Variants in GRIP2 observed in about 807,000 individuals in gnomAD.
GRIP2 encodes glutamate receptor interacting protein 2, also known as glutamate receptor-interacting protein 2.
GRIP2 carries 58 observed loss-of-function variants against 108.3 expected under a neutral mutation model. The observed-to-expected ratio is 0.54, with a 90% confidence interval of 0.43 to 0.67. GRIP2 has a LOEUF of 0.67. Among genes scored for constraint, GRIP2 ranks in the 30% least tolerant of loss-of-function variants. The pLI, the probability that GRIP2 is intolerant of heterozygous loss-of-function variation, is 0.00. For synonymous variants in GRIP2, 586 were observed against 598.2 expected (o/e 0.98, Z 0.30); for missense variants, 1,278 against 1,430.6 (o/e 0.89, Z 1.72).
At chr3:14,545,076 G>T (rs1422785551), upstream of GRIP2, among the ~76,000 whole-genome samples, 2 of 152,220 alleles carry the variant, frequency 1.3e-5, no homozygotes, top group African/African-American at 2.4e-5. Flanking sequence ...GGCCAAGGAG[G>T]CTCCGACAGC....
upstream of GRIP2, among the ~76,000 whole-genome samples, chr3:14,557,458 C>A (rs4449299): frequency 0.23 from 34,338 of 152,188 alleles, 4,170 homozygotes; most frequent in South Asian, 0.33. Context: ...GGAGGCACTA[C>A]TGGCAGAAGG....
intron 21 of GRIP2, among the ~76,000 whole-genome samples, chr3:14,500,186 G>C (rs1366317285): frequency 6.6e-6 from 1 of 152,182 alleles, no homozygotes; most frequent in Non-Finnish European, 1.5e-5. Flanking sequence ...TAGTGAATTG[G>C]AAGACAGGTT....
At chr3:14,559,101 T>C (rs941340458), upstream of GRIP2, among the ~76,000 whole-genome samples, 3 of 152,220 alleles carry the variant, frequency 2.0e-5, no homozygotes, top group Non-Finnish European at 4.4e-5. Flanking sequence ...CACCACCTTC[T>C]AGCTGTGCAA....
chr3:14,573,592 T>C, the GRIP2 span: 2 of 1,448,284 alleles, frequency 1.4e-6, no homozygotes, highest in Admixed American at 3.4e-5. Flanking sequence ...CGGGAGGTGA[T>C]CTCACACTCG....
chr3:14,520,848 A>G, intron 7 of GRIP2: 2 of 385,780 alleles, frequency 5.2e-6, no homozygotes, highest in Non-Finnish European at 9.6e-6. Context: ...ACTAAACTGT[A>G]AAGTTCACTA....
chr3:14,509,814 G>T lies in GRIP2; in HGVS notation c.2078+6C>A. The T allele has an allele frequency of 6.8e-7, 1 of 1,480,700 alleles. No homozygotes were observed. 91.7% of individuals were successfully genotyped at this position (1,480,700 alleles called of 1,614,324 possible). ...CACCATGCGTCCCCACAGAGCCCCA[G>T]TTCACCTCTCAGCCAGGCCACGCTT... On this transcript the variant is annotated splice_donor_region_variant and intron_variant, in intron 17 of 23. Coordinates refer to ENST00000621039, the MANE Select transcript of GRIP2 (RefSeq NM_001080423.4).
chr3:14,580,664 T>C, the GRIP2 span, among the ~76,000 whole-genome samples: 1 of 152,192 alleles, frequency 6.6e-6, no homozygotes, highest in Admixed American at 6.5e-5. Context: ...CTGTACTTCA[T>C]GCACTCCAGC....
At chr3:14,580,166 G>T in the GRIP2 span, among the ~76,000 whole-genome samples, 1 of 152,190 alleles carries the variant, frequency 6.6e-6, no homozygotes, top group Admixed American at 6.5e-5. Flanking sequence ...ACCCAGAGCA[G>T]GTGCTAAGCC....
chr3:14,579,356 C>T, the GRIP2 span, among the ~76,000 whole-genome samples: 2 of 152,188 alleles, frequency 1.3e-5, no homozygotes. Flanking sequence ...TCAAAACGTA[C>T]TAAACTGTAC....
At chr3:14,569,057 C>T in the GRIP2 span, among the ~76,000 whole-genome samples, 2 of 152,174 alleles carry the variant, frequency 1.3e-5, no homozygotes, top group East Asian at 3.9e-4. Context: ...CAGGCAGAAG[C>T]TGGGCCATCA....
At chr3:14,577,725 A>T in the GRIP2 span, among the ~76,000 whole-genome samples, 1 of 152,308 alleles carries the variant, frequency 6.6e-6, no homozygotes, top group East Asian at 1.9e-4. Context: ...AAACCAACTC[A>T]TCCCTTGGCC....
At chr3:14,561,296 A>G in the GRIP2 span, among the ~76,000 whole-genome samples, 37,550 of 152,200 alleles carry the variant, frequency 0.25, 4,772 homozygotes, top group South Asian at 0.34. Flanking sequence ...GGAGGTCTGA[A>G]TTCAGGCCCC....
chr3:14,535,067 G>A (rs552793862), intron 1 of GRIP2, among the ~76,000 whole-genome samples: 7 of 152,132 alleles, frequency 4.6e-5, no homozygotes, highest in South Asian at 2.1e-4. Flanking sequence ...CACTTGGGGC[G>A]AACAGGACAT....
At chr3:14,557,354 C>T (rs1695254326), upstream of GRIP2, among the ~76,000 whole-genome samples, 1 of 152,222 alleles carries the variant, frequency 6.6e-6, no homozygotes. Context: ...CACACTACCT[C>T]CCTGAAACTT....
chr3:14,518,034 G>A (rs1694305184), intron 9 of GRIP2, 137 bp from the exon 10 acceptor site: 3 of 1,039,886 alleles, frequency 2.9e-6, no homozygotes, highest in Non-Finnish European at 4.1e-6. Context: ...CTGCTCACAT[G>A]TCCCGGACGC....
chr3:14,563,743 TA>T, the GRIP2 span, among the ~76,000 whole-genome samples: 2 of 151,992 alleles, frequency 1.3e-5, no homozygotes, highest in African/African-American at 4.8e-5. Context: ...CAGGGGAGCT[TA>T]AAAGAACTAG....
At chr3:14,563,934 T>C in the GRIP2 span, among the ~76,000 whole-genome samples, 1 of 151,934 alleles carries the variant, frequency 6.6e-6, no homozygotes, top group Non-Finnish European at 1.5e-5. Flanking sequence ...GGCGACCGAG[T>C]GGCAGAGGAA....
Position 14,514,134 on chromosome 3 carries a change from C to T in GRIP2, c.1493+158G>A, listed in dbSNP as rs77521120. On this transcript the variant is annotated intron_variant, in intron 12 of 23. Coordinates refer to ENST00000621039, the MANE Select transcript of GRIP2 (RefSeq NM_001080423.4). ...GTGTAATCCTGGGCAAGTGAGTCAGCTTCTCTGAGCCTCGGTTTCCTCATC... is the reference window on the plus strand; with the variant it reads ...GTGTAATCCTGGGCAAGTGAGTCAGTTTCTCTGAGCCTCGGTTTCCTCATC... Among the ~76,000 whole-genome samples the T allele has an allele frequency of 9.1e-3, 1,390 of 152,364 alleles. 20 individuals are homozygous for T. Among genetic ancestry groups the T allele is most frequent in the African/African-American group, 0.031 (1,278 of 41,582 alleles).
chr3:14,507,757 G>C lies in GRIP2; in HGVS notation c.2079-57C>G. The C allele has an allele frequency of 6.3e-7, 1 of 1,577,536 alleles. No homozygotes were observed. The highest frequency in any genetic ancestry group is 8.7e-7 in the Non-Finnish European group (1 of 1,150,038). ...GTTAGACACTCAGGGCCTCAGAGTG[G>C]CAGTCTGCCCTCAGGGAATCCAGGA... is the stretch of plus-strand genomic sequence containing the variant. On this transcript the variant is annotated intron_variant, in intron 17 of 23. Coordinates refer to ENST00000621039, the MANE Select transcript of GRIP2 (RefSeq NM_001080423.4). This position sits in a 1 kb window ranked among gnomAD's most constrained non-coding sequence, Gnocchi z 4.6.
Sources: gnomAD v4.1 joint callset for allele counts (sites outside exome capture counted in the v4.1 genomes callset) on GRCh38, gnomAD v4.1.1 for gene constraint, Gnocchi (gnomAD v3.1) non-coding constraint, MANE v1.5 for transcripts, NCBI Gene and HGNC (gene_info 2026-07-23, HGNC 2026-07-21) for gene names.